The following FRMD5 variants were observed in gnomAD, a reference collection of about 807,000 sequenced individuals.
FRMD5 encodes FERM domain containing 5, also known as FERM domain-containing protein 5.
A neutral mutation model predicts 69.0 loss-of-function variants in FRMD5; 20 were observed. The observed-to-expected ratio is 0.29, with a 90% CI of 0.20 to 0.42. The LOEUF is 0.42. Among genes scored for constraint, FRMD5 ranks in the 10% least tolerant of loss-of-function variants. FRMD5 has a pLI of 1.00. For synonymous variants in FRMD5, 271 were observed against 260.1 expected (o/e 1.04, Z -0.40); for missense variants, 595 against 708.6 (o/e 0.84, Z 1.82).
At chr15:43,986,098 C>G (rs1889381037) in intron 1 of FRMD5, among the ~76,000 whole-genome samples, 1 of 152,208 alleles carries the variant, frequency 6.6e-6, no homozygotes, top group African/African-American at 2.4e-5. Flanking sequence ...GAAGTACAAA[C>G]TTGATTGCTA....
chr15:43,937,192 C>T, intron 1 of FRMD5, among the ~76,000 whole-genome samples: 1 of 152,202 alleles, frequency 6.6e-6, no homozygotes, highest in Non-Finnish European at 1.5e-5. Context: ...TTCTAAAATA[C>T]ATCCTGACAC....
chr15:43,961,630 A>G (rs550379889), intron 1 of FRMD5, among the ~76,000 whole-genome samples: 1 of 152,390 alleles, frequency 6.6e-6, no homozygotes, highest in African/African-American at 2.4e-5. Context: ...AATAATCTTG[A>G]TGAATATTGA....
At chr15:44,053,986 T>C (rs1371223192) in intron 1 of FRMD5, among the ~76,000 whole-genome samples, 3 of 152,236 alleles carry the variant, frequency 2.0e-5, no homozygotes, top group Non-Finnish European at 4.4e-5. Context: ...TTAAACGTCA[T>C]CACATGTGTG....
chr15:44,124,351 C>T (rs994076529), intron 1 of FRMD5, among the ~76,000 whole-genome samples: 2 of 151,194 alleles, frequency 1.3e-5, no homozygotes, highest in African/African-American at 4.9e-5. Flanking sequence ...ATTCAGTATC[C>T]TCAAAATAAA....
chr15:43,887,033 C>A (rs1241071640), intron 10 of FRMD5, among the ~76,000 whole-genome samples: 1 of 152,228 alleles, frequency 6.6e-6, no homozygotes, highest in Non-Finnish European at 1.5e-5. Context: ...AGCAACACTT[C>A]TGTTTCCGTG....
chr15:44,149,298 T>C (rs970633173), intron 1 of FRMD5, among the ~76,000 whole-genome samples: 39 of 150,956 alleles, frequency 2.6e-4, no homozygotes, highest in Non-Finnish European at 1.9e-4. Flanking sequence ...GAAAGGAATG[T>C]AAATAATTCA....
At chr15:44,178,810 T>C (rs2077945694) in intron 1 of FRMD5, among the ~76,000 whole-genome samples, 2 of 152,104 alleles carry the variant, frequency 1.3e-5, no homozygotes, top group African/African-American at 2.4e-5. Context: ...CTGACCAACA[T>C]GGTAAAACTC....
intron 1 of FRMD5, among the ~76,000 whole-genome samples, chr15:44,159,368 G>A (rs1185920396): frequency 2.0e-5 from 3 of 152,116 alleles, no homozygotes; most frequent in Non-Finnish European, 2.9e-5. Flanking sequence ...TGTATTCCAT[G>A]GTAAAGGAGT....
intron 1 of FRMD5, among the ~76,000 whole-genome samples, chr15:44,109,609 C>T (rs972974761): frequency 2.0e-5 from 3 of 151,924 alleles, no homozygotes; most frequent in Non-Finnish European, 4.4e-5. Context: ...TACGGTGGTA[C>T]ATTTGTTATA....
chr15:43,885,531 A>G (rs934496211), intron 11 of FRMD5, 150 bp downstream of exon 11: 5 of 670,940 alleles, frequency 7.5e-6, no homozygotes, highest in Non-Finnish European at 1.3e-5. Flanking sequence ...GGAAATAGTA[A>G]AAGGGTCATA....
chr15:44,142,180 C>T (rs1002359860), intron 1 of FRMD5, among the ~76,000 whole-genome samples: 1 of 152,136 alleles, frequency 6.6e-6, no homozygotes, highest in Admixed American at 6.6e-5. Context: ...CAGAAAATGT[C>T]CTCTTAATTA....
chr15:43,951,273 T>C (rs1325819535), intron 1 of FRMD5, among the ~76,000 whole-genome samples: 1 of 151,366 alleles, frequency 6.6e-6, no homozygotes, highest in Non-Finnish European at 1.5e-5. Context: ...ACAAAAAAAA[T>C]TACCCGGGCA....
At chr15:43,943,625 C>G (rs977065779) in intron 1 of FRMD5, among the ~76,000 whole-genome samples, 3 of 152,054 alleles carry the variant, frequency 2.0e-5, no homozygotes, top group Non-Finnish European at 2.9e-5. Flanking sequence ...ATAAGAAGAC[C>G]ATGAAGAGAC....
chr15:43,996,333 T>C (rs143255834), intron 1 of FRMD5, among the ~76,000 whole-genome samples: 1 of 152,118 alleles, frequency 6.6e-6, no homozygotes, highest in Admixed American at 6.5e-5. Flanking sequence ...AGGCCCAGTG[T>C]TGAGGAATGA....
intron 1 of FRMD5, among the ~76,000 whole-genome samples, chr15:44,151,482 C>T (rs1306660565): frequency 6.6e-6 from 1 of 150,902 alleles, no homozygotes; most frequent in Non-Finnish European, 1.5e-5. Context: ...AATAATAATC[C>T]GAAAAGAAAA....
At chr15:44,015,742 G>C (rs192210251) in intron 1 of FRMD5, among the ~76,000 whole-genome samples, 104 of 152,262 alleles carry the variant, frequency 6.8e-4, no homozygotes, top group Non-Finnish European at 1.4e-3. Flanking sequence ...AGAGTTACTA[G>C]GGGAAAATGT....
chr15:43,918,921 T>G (rs1348437292), intron 4 of FRMD5: 1 of 186,614 alleles, frequency 5.4e-6, no homozygotes, highest in African/African-American at 2.4e-5. Context: ...CAGGATGCAT[T>G]CCACGCAGCT....
chr15:43,980,620 A>G (rs566326792), intron 1 of FRMD5, among the ~76,000 whole-genome samples: 28 of 152,244 alleles, frequency 1.8e-4, no homozygotes, highest in African/African-American at 2.6e-4. Flanking sequence ...TTTTCCCTCA[A>G]TTGAAAGATA....
At chr15:44,167,692 T>G (rs1023982243) in intron 1 of FRMD5, among the ~76,000 whole-genome samples, 1 of 152,034 alleles carries the variant, frequency 6.6e-6, no homozygotes, top group Non-Finnish European at 1.5e-5. Flanking sequence ...CAGGTTGAAG[T>G]GATTCTCCGG....
Sources: gnomAD v4.1 joint callset for allele counts (sites outside exome capture counted in the v4.1 genomes callset) on GRCh38, gnomAD v4.1.1 for gene constraint, MANE v1.5 for transcripts, NCBI Gene and HGNC (gene_info 2026-07-23, HGNC 2026-07-21) for gene names.